SYNPO2: variants seen among roughly 807,000 people sequenced by gnomAD.
SYNPO2 encodes synaptopodin-2.
SYNPO2 carries 56 observed loss-of-function variants against 85.0 expected under a neutral mutation model. The ratio of observed to expected loss-of-function variants is 0.66; its 90% confidence interval spans 0.53 to 0.82. The LOEUF (loss-of-function observed/expected upper bound fraction) is 0.82, where lower values mean the gene tolerates loss of function less well. Among genes scored for constraint, SYNPO2 ranks in the 40% least tolerant of loss-of-function variants. The probability of loss-of-function intolerance (pLI) is 0.00; values close to 1 mark genes in which losing one functional copy is unlikely to be tolerated. For synonymous variants in SYNPO2, 602 were observed against 591.1 expected (o/e 1.02, Z -0.27); for missense variants, 1,575 against 1,534.2 (o/e 1.03, Z -0.44).
At chr4:118,886,363 C>A (rs1303690287), upstream of SYNPO2, among the ~76,000 whole-genome samples, 1 of 152,150 alleles carries the variant, frequency 6.6e-6, no homozygotes, top group African/African-American at 2.4e-5. Flanking sequence ...AGGTTTTAAG[C>A]CCCGCATGCG....
chr4:119,004,041 T>C (rs1336931585), intron 1 of SYNPO2, among the ~76,000 whole-genome samples: 1 of 152,164 alleles, frequency 6.6e-6, no homozygotes, highest in African/African-American at 2.4e-5. Context: ...TGAGAGGGTC[T>C]ACTGTGTTTT....
chr4:118,907,695 A>T (rs925988572), intron 1 of SYNPO2, among the ~76,000 whole-genome samples: 8 of 152,222 alleles, frequency 5.3e-5, no homozygotes, highest in African/African-American at 1.9e-4. Flanking sequence ...AAATGGCTTT[A>T]ATTTTTGAAA....
At chr4:118,932,924 A>T (rs964913215) in intron 1 of SYNPO2, among the ~76,000 whole-genome samples, 1 of 152,176 alleles carries the variant, frequency 6.6e-6, no homozygotes, top group Non-Finnish European at 1.5e-5. Context: ...CTGCGAGGAA[A>T]CATGAACTGT....
intron 1 of SYNPO2, among the ~76,000 whole-genome samples, chr4:118,995,955 C>T (rs1271916866): frequency 1.3e-5 from 2 of 151,802 alleles, no homozygotes; most frequent in African/African-American, 4.8e-5. Flanking sequence ...TATTTCTTTG[C>T]CCACATTGAT....
At chr4:118,962,334 C>CT (rs35554377) in intron 1 of SYNPO2, among the ~76,000 whole-genome samples, 3 of 152,128 alleles carry the variant, frequency 2.0e-5, no homozygotes, top group African/African-American at 7.2e-5. Context: ...ACATACTATG[C>CT]TTTTTTACTA....
intron 1 of SYNPO2, among the ~76,000 whole-genome samples, chr4:119,003,260 G>C (rs2149174144): frequency 6.6e-6 from 1 of 152,256 alleles, no homozygotes; most frequent in East Asian, 1.9e-4. Context: ...AGGGTGGCAG[G>C]AGAGAGAAGT....
At chr4:118,865,392 G>A (rs1050696797) in intron 1 of SYNPO2, among the ~76,000 whole-genome samples, 16 of 152,380 alleles carry the variant, frequency 1.1e-4, no homozygotes, top group African/African-American at 2.2e-4. Context: ...CCATAAAGCC[G>A]AATATGGAAG....
intron 1 of SYNPO2, among the ~76,000 whole-genome samples, chr4:118,988,831 A>G (rs994086863): frequency 2.0e-5 from 3 of 152,150 alleles, no homozygotes; most frequent in Non-Finnish European, 4.4e-5. Context: ...GAGCCTCCAC[A>G]GGAAACATGC....
At chr4:118,975,731 C>G (rs1735699671) in intron 1 of SYNPO2, among the ~76,000 whole-genome samples, 1 of 152,222 alleles carries the variant, frequency 6.6e-6, no homozygotes, top group African/African-American at 2.4e-5. Context: ...AACTTGGACT[C>G]TGGATCAGAG....
intron 1 of SYNPO2, among the ~76,000 whole-genome samples, chr4:118,959,586 G>A (rs1170805002): frequency 6.6e-6 from 1 of 152,144 alleles, no homozygotes; most frequent in Admixed American, 6.5e-5. Context: ...GAGTATTTGT[G>A]TACTTTCTCT....
intron 1 of SYNPO2, among the ~76,000 whole-genome samples, chr4:118,877,295 G>C (rs1731943784): frequency 1.3e-5 from 2 of 152,084 alleles, no homozygotes; most frequent in Non-Finnish European, 2.9e-5. Context: ...TCTGGATATA[G>C]GACCAGGCAA....
intron 1 of SYNPO2, among the ~76,000 whole-genome samples, chr4:118,856,615 G>C (rs1731510963): frequency 6.6e-6 from 1 of 151,918 alleles, no homozygotes; most frequent in South Asian, 2.1e-4. Context: ...TCAATCTCAA[G>C]TCATCCTTCC....
rs1553944836 is a variant in SYNPO2, at chr4:118,995,895, T to TATCTATC, written c.106-27534_106-27528dup. 3.6e-3 allele frequency among the ~76,000 whole-genome samples: 533 copies of TATCTATC among 148,866 alleles called. 4 individuals carry two copies. Among genetic ancestry groups the TATCTATC allele is most frequent in the African/African-American group, 0.013 (493 of 38,432 alleles). On this transcript the variant is annotated intron_variant, in intron 1 of 4. Coordinates refer to ENST00000307142, the MANE Select transcript of SYNPO2 (RefSeq NM_133477.3). ...CTATCTATCTATCTATCTATCTATC[T>TATCTATC]ATCTATCTATCATCTATCTAATTTT...
At chr4:118,976,619 C>T (rs1735753651) in intron 1 of SYNPO2, among the ~76,000 whole-genome samples, 1 of 152,078 alleles carries the variant, frequency 6.6e-6, no homozygotes, top group African/African-American at 2.4e-5. Flanking sequence ...CAAAGGTTCT[C>T]CACGTCCCCA....
chr4:119,040,969 G>A (rs189452453), intron 4 of SYNPO2, among the ~76,000 whole-genome samples: 11 of 152,154 alleles, frequency 7.2e-5, no homozygotes, highest in South Asian at 2.1e-4. Context: ...GTGAAACCTC[G>A]GCCTGAACAG....
chr4:118,889,198 C>A (rs937863743), intron 1 of SYNPO2, 57 bp downstream of exon 1: 15 of 1,498,674 alleles, frequency 1.0e-5, no homozygotes, highest in African/African-American at 1.4e-5. Flanking sequence ...ATGAAAGCAA[C>A]CTGCTGATGG....
At position 118,963,851 on chromosome 4, in the gene SYNPO2, C is replaced by T. The variant is rs1358590491; in HGVS notation, c.106-59579C>T. 2.0e-5 allele frequency among the ~76,000 whole-genome samples: 3 copies of T among 152,182 alleles called. No individual in the cohort carries two copies. The East Asian group carries it at 5.8e-4, about 29-fold the overall frequency. ...ATAAAGGCCTAGGAGACTTGTTACT[C>T]ATATTTAACCATTGCCTCTAGGCAA... On this transcript the variant is annotated intron_variant, in intron 1 of 4. Transcript: ENST00000307142.
At chr4:118,969,863 G>A (rs752009763) in intron 1 of SYNPO2, among the ~76,000 whole-genome samples, 1 of 151,716 alleles carries the variant, frequency 6.6e-6, no homozygotes, top group African/African-American at 2.4e-5. Flanking sequence ...TGAGAACCTG[G>A]CCTCTTTAAA....
rs779969581 is a variant in SYNPO2, at chr4:118,941,542, CCATTTATA to C, written c.105+52407_105+52414del. Among the ~76,000 whole-genome samples the C allele has an allele frequency of 3.9e-5, 6 of 152,294 alleles. No individual in the cohort carries two copies. The South Asian group carries it at 1.2e-3, about 32-fold the overall frequency. Reference sequence around the variant, plus strand: ...CCTACTGCAACTTGCCTATACCAGGCCATTTATACATTTTTTATCCTTGGATGACATTT... The same window carrying C: ...CCTACTGCAACTTGCCTATACCAGGCCATTTTTTATCCTTGGATGACATTT... On this transcript the variant is annotated intron_variant, in intron 1 of 4. Coordinates refer to ENST00000307142, the MANE Select transcript of SYNPO2 (RefSeq NM_133477.3).
Sources: gnomAD v4.1 joint callset for allele counts (sites outside exome capture counted in the v4.1 genomes callset) on GRCh38, gnomAD v4.1.1 for gene constraint, MANE v1.5 for transcripts, NCBI Gene and HGNC (gene_info 2026-07-23, HGNC 2026-07-21) for gene names.